PRDM12: variants seen among roughly 807,000 people sequenced by gnomAD.
PRDM12 encodes PR domain zinc finger protein 12.
Under a neutral mutation model 29.6 loss-of-function variants are expected in PRDM12, and 17 were observed. The ratio of observed to expected loss-of-function variants is 0.57; its 90% CI spans 0.39 to 0.86. The LOEUF is 0.86. Ranked by LOEUF, PRDM12 falls within the 40% of genes least tolerant of loss-of-function variation. The pLI, the probability that PRDM12 is intolerant of heterozygous loss-of-function variation, is 0.00. For missense variants in PRDM12, 422 were observed against 510.8 expected, an observed-to-expected ratio of 0.83 and a Z score of 1.68; for synonymous variants, 231 against 225.8, an observed-to-expected ratio of 1.02 and a Z score of -0.21.
chr9:130,669,220 G>A (rs1480316387), intron 3 of PRDM12, among the ~76,000 whole-genome samples: 3 of 151,956 alleles, frequency 2.0e-5, no homozygotes, highest in Admixed American at 6.6e-5. Context: ...CCAGCTACTC[G>A]GGAAGCTGAG....
intron 3 of PRDM12, among the ~76,000 whole-genome samples, chr9:130,674,671 A>G (rs1201961902): frequency 6.6e-6 from 1 of 152,174 alleles, no homozygotes; most frequent in Non-Finnish European, 1.5e-5. Context: ...AAAGACAAGC[A>G]GCAAACCAGC....
intron 1 of PRDM12, 137 bp from the exon 2 acceptor site, chr9:130,666,471 G>C: frequency 3.3e-5 from 37 of 1,122,052 alleles, no homozygotes; most frequent in Non-Finnish European, 4.5e-5. Context: ...CCACACCCGG[G>C]TGGCTTCTCT....
At chr9:130,667,221 G>A (rs1319302087) in intron 2 of PRDM12, among the ~76,000 whole-genome samples, 2 of 152,210 alleles carry the variant, frequency 1.3e-5, no homozygotes, top group Non-Finnish European at 2.9e-5. Context: ...GGGTGAGGTG[G>A]GGCTGGAAAG....
At position 130,681,558 on chromosome 9, in the gene PRDM12, G is replaced by A. The variant is rs1830901934; in HGVS notation, c.993G>A (p.Gln331=). 3.3e-6 allele frequency: 4 copies of A among 1,228,638 alleles called. No individual in the cohort carries two copies. Among genetic ancestry groups the A allele is most frequent in the African/African-American group, 1.6e-5 (1 of 63,822 alleles). The allele number at this position is 1,228,638 out of a possible 1,614,324, so 76.1% of individuals were successfully genotyped here. A position where few individuals can be genotyped will look rare whatever the true frequency, so the allele number is the denominator to read the frequency against. Residue 331 remains glutamine (Q), a synonymous_variant, in exon 5 of 5, where the codon CAG becomes CAA. Transcript: ENST00000253008. This position sits in a 1 kb window ranked among gnomAD's most constrained non-coding sequence, Gnocchi z 8.1. ...ACCGGCCGCCCAGCACCGCGCTGCAGGCACACTCGCCCGCGCTGCCCGCCC... is the reference window on the plus strand; with the variant it reads ...ACCGGCCGCCCAGCACCGCGCTGCAAGCACACTCGCCCGCGCTGCCCGCCC... ...ARHRPPSTAL[Q]AHSPALPAPH...
Position 130,681,610 on chromosome 9 carries a change from G to T in PRDM12, c.1045G>T (p.Ala349Ser). The T allele has an allele frequency of 1.2e-6, 1 of 803,654 alleles. No homozygotes were observed. The highest frequency in any genetic ancestry group is 1.5e-6 in the Non-Finnish European group (1 of 675,928). The allele number at this position is 803,654 out of a possible 1,614,324, so 49.8% of individuals were successfully genotyped here. ...GCACGCGCACGCGCCCGCGCTCGCC[G>T]CCGCCGCCGCCGCCGCCGCCGCCGC... The part of the protein sequence containing the change: ...APHAHAPALA[A>S]AAAAAAAAAA... Residue 349 changes from alanine (A) to serine (S), a missense_variant, in exon 5 of 5, where the codon GCC becomes TCC. Physicochemically the swap from Ala to Ser is moderately conservative, Grantham distance 99. Coordinates refer to ENST00000253008, the MANE Select transcript of PRDM12 (RefSeq NM_021619.3). The surrounding 1 kb of genome is among the most constrained non-coding windows in gnomAD (Gnocchi z 8.1).
chr9:130,671,074 G>C (rs1830784665), intron 3 of PRDM12, among the ~76,000 whole-genome samples: 1 of 152,168 alleles, frequency 6.6e-6, no homozygotes, highest in African/African-American at 2.4e-5. Context: ...GCAGGGCATG[G>C]TGGCTCACGC....
intron 4 of PRDM12, among the ~76,000 whole-genome samples, chr9:130,679,113 G>A (rs1040848269): frequency 3.3e-5 from 5 of 152,120 alleles, no homozygotes; most frequent in Admixed American, 1.3e-4. Context: ...TCTGGTGCAG[G>A]GCCTGGCACA....
chr9:130,679,496 C>T (rs1419281069), intron 4 of PRDM12, among the ~76,000 whole-genome samples: 1 of 151,998 alleles, frequency 6.6e-6, no homozygotes, highest in African/African-American at 2.4e-5. Flanking sequence ...CCATGCCCAG[C>T]TAATCTTTGC....
chr9:130,668,029 G>A lies in PRDM12; in HGVS notation c.415-129G>A, dbSNP rs181138676. 24 of 1,248,556 alleles carry A rather than the reference G, an allele frequency of 1.9e-5. No homozygotes were observed. The highest frequency in any genetic ancestry group is 4.4e-4 in the Middle Eastern group (2 of 4,528). 77.3% of individuals were successfully genotyped at this position (1,248,556 alleles called of 1,614,324 possible). On this transcript the variant is annotated intron_variant, in intron 2 of 4. Coordinates refer to ENST00000253008, the MANE Select transcript of PRDM12 (RefSeq NM_021619.3). This position sits in a 1 kb window ranked among gnomAD's most constrained non-coding sequence, Gnocchi z 4.0. ...CCTCTCCAGCCTTCCTTTCTTCAGT[G>A]GGAAAATGAAGCTTTATCCACTTCC... is the stretch of plus-strand genomic sequence containing the variant.
In PRDM12 at chr9:130,681,339, G is replaced by A. The variant is rs1291975668; in HGVS notation, c.774G>A (p.Leu258=). The part of the protein sequence containing the change: ...CHRGFNSRSN[L]RSHMRIHTLD... ...GCGGCTTCAACTCGCGCAGCAACCT[G>A]CGCTCGCACATGCGCATCCACACGC... is the stretch of plus-strand genomic sequence containing the variant. Residue 258 remains leucine, a synonymous_variant, in exon 5 of 5, where the codon CTG becomes CTA. Coordinates refer to ENST00000253008, the MANE Select transcript of PRDM12 (RefSeq NM_021619.3). This position sits in a 1 kb window ranked among gnomAD's most constrained non-coding sequence, Gnocchi z 8.1. The A allele has an allele frequency of 1.9e-6, 3 of 1,571,410 alleles. No individual in the cohort carries two copies. Among genetic ancestry groups the A allele is most frequent in the South Asian group, 2.3e-5 (2 of 87,678 alleles).
At chr9:130,678,755 C>A in intron 4 of PRDM12, 115 bp downstream of exon 4, 1 of 789,766 alleles carries the variant, frequency 1.3e-6, no homozygotes, top group Middle Eastern at 2.6e-4. Context: ...GACCTTGGTT[C>A]AATGTCTGGC....
chr9:130,681,605 TCGCCGCCGCCGCCGCCGCCGCCGC>T lies in PRDM12; in HGVS notation c.1053_1076del (p.Ala352_Ala359del), dbSNP rs752427775. 4.0e-5 allele frequency: 38 copies of T among 955,256 alleles called. 1 individual carries two copies. The highest frequency in any genetic ancestry group is 2.8e-4 in the African/African-American group (15 of 54,112). The allele number at this position is 955,256 out of a possible 1,614,324, so 59.2% of individuals were successfully genotyped here. ...GCCCCGCACGCGCACGCGCCCGCGC[TCGCCGCCGCCGCCGCCGCCGCCGC>T]CGCCGCCGCCGCGCACCACCTGCCG... is the stretch of plus-strand genomic sequence containing the variant. On this transcript the variant is annotated inframe_deletion, in exon 5 of 5. Transcript: ENST00000253008. The surrounding 1 kb of genome is among the most constrained non-coding windows in gnomAD (Gnocchi z 8.1).
Position 130,681,261 on chromosome 9 carries a change from G to T in PRDM12, c.696G>T (p.Pro232=), listed in dbSNP as rs750585485. ...QKKNKHEDFH[P]ADSAAGPAGR... is the part of the protein sequence containing the mutation. The stretch of plus-strand genomic sequence containing the variant: ...CCCCGCGGCCAGAGGACTTCCACCC[G>T]GCGGACTCGGCGGCTGGCCCCGCGG... The change falls in exon 5 of 5, where the codon CCG becomes CCT. Residue 232 remains proline, a synonymous_variant. Transcript: ENST00000253008. This position sits in a 1 kb window ranked among gnomAD's most constrained non-coding sequence, Gnocchi z 8.1. The T allele has an allele frequency of 1.2e-5, 17 of 1,465,440 alleles. No homozygotes were observed. The African/African-American group carries it at 1.3e-4, about 11-fold the overall frequency. The allele number at this position is 1,465,440 out of a possible 1,614,324, so 90.8% of individuals were successfully genotyped here.
chr9:130,668,719 G>A lies in PRDM12; in HGVS notation c.570+406G>A, dbSNP rs753741111. ...GGAGAGAGGGCGTGTGTCTGCAGCCGTTTAGCTGTCTGATGGCCCTCATTC... is the reference window on the plus strand; with the variant it reads ...GGAGAGAGGGCGTGTGTCTGCAGCCATTTAGCTGTCTGATGGCCCTCATTC... On this transcript the variant is annotated intron_variant, in intron 3 of 4. Coordinates refer to ENST00000253008, the MANE Select transcript of PRDM12 (RefSeq NM_021619.3). This position sits in a 1 kb window ranked among gnomAD's most constrained non-coding sequence, Gnocchi z 4.0. 1.2e-4 allele frequency among the ~76,000 whole-genome samples: 18 copies of A among 152,136 alleles called. No homozygotes were observed. Among genetic ancestry groups the A allele is most frequent in the Non-Finnish European group, 2.2e-4 (15 of 68,028 alleles).
At position 130,664,901 on chromosome 9, in the gene PRDM12, C is replaced by G. The variant is rs557778396; in HGVS notation, c.223+25C>G. On this transcript the variant is annotated intron_variant, in intron 1 of 4. Coordinates refer to ENST00000253008, the MANE Select transcript of PRDM12 (RefSeq NM_021619.3). The surrounding 1 kb of genome is among the most constrained non-coding windows in gnomAD (Gnocchi z 6.4). Reference sequence around the variant, plus strand: ...GGTGAGTCCAGCCGTCGGAGCCCGGCGCAATCCCTCCTCCCGGCGACCCCC... The same window carrying G: ...GGTGAGTCCAGCCGTCGGAGCCCGGGGCAATCCCTCCTCCCGGCGACCCCC... The G allele has an allele frequency of 6.0e-6, 9 of 1,502,982 alleles. No individual in the cohort carries two copies. The highest frequency in any genetic ancestry group is 1.4e-5 in the African/African-American group (1 of 71,446). 93.1% of individuals were successfully genotyped at this position (1,502,982 alleles called of 1,614,324 possible). A position where few individuals can be genotyped will look rare whatever the true frequency, so the allele number is the denominator to read the frequency against.
At chr9:130,667,710 A>G (rs1053047810) in intron 2 of PRDM12, among the ~76,000 whole-genome samples, 1 of 152,086 alleles carries the variant, frequency 6.6e-6, no homozygotes, top group Non-Finnish European at 1.5e-5. Context: ...GCTCCCGTGA[A>G]GGGGTTTAGG....
In PRDM12 at chr9:130,682,585, G is replaced by A. The variant is rs1830916693; in HGVS notation, c.*916G>A. On this transcript the variant is annotated 3_prime_UTR_variant, in exon 5 of 5. Transcript: ENST00000253008. This position sits in a 1 kb window ranked among gnomAD's most constrained non-coding sequence, Gnocchi z 4.2. ...CAAGACTGGAACCGCTGCCCGAGAG[G>A]TTAAGGTGGCTTCTGTGGCCACGAA... 1 of 152,160 alleles carries A rather than the reference G, an allele frequency of 6.6e-6. No homozygotes were observed. Among genetic ancestry groups the A allele is most frequent in the Non-Finnish European group, 1.5e-5 (1 of 68,020 alleles). The allele number at this position is 152,160 out of a possible 1,614,324, so 9.4% of individuals were successfully genotyped here. A position where few individuals can be genotyped will look rare whatever the true frequency, so the allele number is the denominator to read the frequency against.
rs1455900383 is a variant in PRDM12 at position 130,680,630 on chromosome 9, A to T, written c.683-618A>T. 3.8e-3 allele frequency among the ~76,000 whole-genome samples: 269 copies of T among 70,322 alleles called. 1 individual carries two copies. Among genetic ancestry groups the T allele is most frequent in the African/African-American group, 0.015 (199 of 13,394 alleles). The allele number at this position is 70,322 out of a possible 152,430, so 46.1% of individuals were successfully genotyped here. On this transcript the variant is annotated intron_variant, in intron 4 of 4. Coordinates refer to ENST00000253008, the MANE Select transcript of PRDM12 (RefSeq NM_021619.3). ...ACAGAGGGAGACTCCGTCTAAAAAA[A>T]AAAAATATATATATATATATATATA... is the stretch of plus-strand genomic sequence containing the variant.
In PRDM12 at chr9:130,678,774, G is replaced by A. The variant is rs564955131; in HGVS notation, c.682+134G>A. On this transcript the variant is annotated intron_variant, in intron 4 of 4. Coordinates refer to ENST00000253008, the MANE Select transcript of PRDM12 (RefSeq NM_021619.3). ...TTGGTTCAATGTCTGGCAGCATTGA[G>A]CAGATCAGACATACAGGTCCAAGGA... 2.0e-5 allele frequency: 14 copies of A among 702,404 alleles called. No homozygotes were observed. The African/African-American group carries it at 2.2e-4, about 11-fold the overall frequency. 43.5% of individuals were successfully genotyped at this position (702,404 alleles called of 1,614,324 possible).
Sources: allele counts gnomAD v4.1 joint callset (sites outside exome capture counted in the v4.1 genomes callset), GRCh38; gene constraint gnomAD v4.1.1; non-coding constraint Gnocchi (gnomAD v3.1); transcripts MANE v1.5; gene names NCBI Gene and HGNC (gene_info 2026-07-23, HGNC 2026-07-21).